ZBED4: variants seen among roughly 807,000 people sequenced by gnomAD.
The protein encoded by ZBED4 is zinc finger BED domain-containing protein 4.
A neutral mutation model predicts 15.5 loss-of-function variants in ZBED4; 4 were observed. That is an observed-to-expected ratio of 0.26 (90% CI 0.13 to 0.59). The LOEUF (loss-of-function observed/expected upper bound fraction) is 0.59. ZBED4 is among the 20% of genes least tolerant of loss of function. The pLI is 0.90. For synonymous variants in ZBED4, 692 were observed against 608.5 expected, an observed-to-expected ratio of 1.14 and a Z score of -2.02; for missense variants, 1,323 against 1,461.8, an observed-to-expected ratio of 0.91 and a Z score of 1.55.
At chr22:49,857,382 C>T (rs1047115760) in intron 1 of ZBED4, among the ~76,000 whole-genome samples, 2 of 152,230 alleles carry the variant, frequency 1.3e-5, no homozygotes, top group Non-Finnish European at 2.9e-5. Context: ...CAGAACAATC[C>T]ACATGACCCT....
At chr22:49,861,944 G>A (rs1476785928) in intron 1 of ZBED4, among the ~76,000 whole-genome samples, 2 of 152,162 alleles carry the variant, frequency 1.3e-5, no homozygotes, top group Non-Finnish European at 2.9e-5. Context: ...GTGCTTCCAA[G>A]TTCCCCCGCA....
chr22:49,871,752 TA>T (rs2060348719), intron 1 of ZBED4, among the ~76,000 whole-genome samples: 3 of 47,084 alleles, frequency 6.4e-5, no homozygotes, highest in Non-Finnish European at 1.2e-4. Flanking sequence ...TTTATTTATT[TA>T]TTTATTTTTT....
intron 1 of ZBED4, among the ~76,000 whole-genome samples, chr22:49,880,452 G>A (rs1398430985): frequency 6.6e-6 from 1 of 152,180 alleles, no homozygotes; most frequent in Non-Finnish European, 1.5e-5. Context: ...CCGACTCCCC[G>A]CCCCGCAGCC....
In ZBED4 at chr22:49,885,499, A is replaced by C; in HGVS notation, c.1837A>C (p.Lys613Gln). The change falls in exon 2 of 2, where the codon AAA becomes CAA. Residue 613 changes from lysine to glutamine, a missense_variant. Around this residue, in one of 6 missense-constraint regions of ZBED4, gnomAD observed 429 missense variants for 397.9 expected, o/e 1.08. Transcript: ENST00000216268. ...HLQRFHSNVL[K>Q]TEVSETARPS... ...ACAGCGGTTCCATAGCAACGTGCTG[A>C]AAACTGAGGTCTCGGAGACGGCTCG... The C allele has an allele frequency of 6.2e-7, 1 of 1,611,136 alleles. No homozygotes were observed. Among genetic ancestry groups the C allele is most frequent in the Non-Finnish European group, 8.5e-7 (1 of 1,177,440 alleles).
chr22:49,879,454 A>G (rs1475007121), intron 1 of ZBED4, among the ~76,000 whole-genome samples: 1 of 151,614 alleles, frequency 6.6e-6, no homozygotes, highest in East Asian at 2.0e-4. Flanking sequence ...TGCAGAGACG[A>G]TGTTTTGCCA....
At chr22:49,871,433 C>T (rs1490817394) in intron 1 of ZBED4, among the ~76,000 whole-genome samples, 1 of 151,740 alleles carries the variant, frequency 6.6e-6, no homozygotes, top group Non-Finnish European at 1.5e-5. Flanking sequence ...TACAGTGAGC[C>T]GATATTGCCA....
chr22:49,877,826 G>T (rs1032756378), intron 1 of ZBED4, among the ~76,000 whole-genome samples: 2 of 151,980 alleles, frequency 1.3e-5, no homozygotes, highest in Non-Finnish European at 2.9e-5. Context: ...CCCTCCTCCC[G>T]CCAGCACAGA....
At position 49,887,386 on chromosome 22, in the gene ZBED4, C is replaced by G; in HGVS notation, c.*208C>G. ...GCGGGGTGTTTTATTAAGACGTCCA[C>G]TAGAAATAGCTTGTCCTGTCAACTA... is the stretch of plus-strand genomic sequence containing the variant. On this transcript the variant is annotated 3_prime_UTR_variant, in exon 2 of 2. Transcript: ENST00000216268. The G allele has an allele frequency of 2.1e-6, 1 of 472,052 alleles. No homozygotes were observed. The highest frequency in any genetic ancestry group is 3.9e-6 in the Non-Finnish European group (1 of 258,052). The allele number at this position is 472,052 out of a possible 1,614,324, so 29.2% of individuals were successfully genotyped here.
chr22:49,855,346 C>G (rs1473387815), intron 1 of ZBED4, among the ~76,000 whole-genome samples: 3 of 152,088 alleles, frequency 2.0e-5, no homozygotes, highest in Non-Finnish European at 4.4e-5. Context: ...AGGGTCTCCC[C>G]CAACACACAC....
Position 49,886,294 on chromosome 22 carries a change from G to C in ZBED4, c.2632G>C (p.Ala878Pro). ...ACTGGCCGAGCTGCAGAGGGAGTAC[G>C]CGCTGCCTCAGCATCACCTCATCCA... ...EKLAELQREY[A>P]LPQHHLIQDV... Residue 878 changes from alanine (A) to proline (P), a missense_variant, in exon 2 of 2, where the codon GCG (alanine) becomes CCG (proline). This residue lies in a region of ZBED4 where 312 missense variants were observed against 410.7 expected (regional missense o/e 0.76). Transcript: ENST00000216268. The surrounding 1 kb of genome is among the most constrained non-coding windows in gnomAD (Gnocchi z 7.7). The C allele has an allele frequency of 1.3e-6, 2 of 1,499,716 alleles. No individual in the cohort carries two copies. 92.9% of individuals were successfully genotyped at this position (1,499,716 alleles called of 1,614,324 possible).
At chr22:49,879,875 C>T (rs1313828361) in intron 1 of ZBED4, among the ~76,000 whole-genome samples, 1 of 72,240 alleles carries the variant, frequency 1.4e-5, no homozygotes, top group African/African-American at 4.5e-5. Flanking sequence ...TGGTTTTTCT[C>T]CTGGTCAGTG....
intron 1 of ZBED4, among the ~76,000 whole-genome samples, chr22:49,859,974 C>T (rs936899515): frequency 7.0e-6 from 1 of 143,108 alleles, no homozygotes; most frequent in African/African-American, 2.7e-5. Context: ...CCAGTCTAGG[C>T]AGCATGGCAG....
At chr22:49,864,617 GA>G (rs1426712583) in intron 1 of ZBED4, among the ~76,000 whole-genome samples, 1 of 152,100 alleles carries the variant, frequency 6.6e-6, no homozygotes, top group Non-Finnish European at 1.5e-5. Context: ...GGGAGTTTGA[GA>G]CCAGCCTCAG....
At chr22:49,879,495 T>C (rs1371029654) in intron 1 of ZBED4, among the ~76,000 whole-genome samples, 5 of 151,716 alleles carry the variant, frequency 3.3e-5, no homozygotes, top group Non-Finnish European at 5.9e-5. Context: ...CTATATCCGC[T>C]CTTACAATAG....
At chr22:49,874,830 G>A (rs1033197232) in intron 1 of ZBED4, among the ~76,000 whole-genome samples, 3 of 151,654 alleles carry the variant, frequency 2.0e-5, no homozygotes, top group Non-Finnish European at 4.4e-5. Flanking sequence ...AAACAGGTGC[G>A]TGCCACCATG....
chr22:49,858,957 T>C (rs1323424412), intron 1 of ZBED4, among the ~76,000 whole-genome samples: 1 of 152,170 alleles, frequency 6.6e-6, no homozygotes, highest in Non-Finnish European at 1.5e-5. Context: ...TGTGCTGCAC[T>C]GTGGGCGGAG....
chr22:49,877,998 T>C (rs1363592283), intron 1 of ZBED4, among the ~76,000 whole-genome samples: 2 of 152,310 alleles, frequency 1.3e-5, no homozygotes, highest in South Asian at 2.1e-4. Flanking sequence ...CTGCTGTGAA[T>C]TTTATATGTA....
In ZBED4 at chr22:49,884,250, G is replaced by C; in HGVS notation, c.588G>C (p.Ala196=). 1 of 1,604,660 alleles carries C rather than the reference G, an allele frequency of 6.2e-7. No individual in the cohort carries two copies. The highest frequency in any genetic ancestry group is 1.7e-5 in the Admixed American group (1 of 58,924). ...SLLLPPQPAD[A]GDLSTILSPI... is the part of the protein sequence containing the mutation. The stretch of plus-strand genomic sequence containing the variant: ...TGCTTCCACCACAGCCTGCGGACGC[G>C]GGTGACCTCAGCACCATCCTCTCAC... Residue 196 remains alanine, a synonymous_variant, in exon 2 of 2, where the codon GCG becomes GCC. Transcript: ENST00000216268.
intron 1 of ZBED4, among the ~76,000 whole-genome samples, chr22:49,869,287 G>A (rs2060335473): frequency 6.6e-6 from 1 of 152,172 alleles, no homozygotes; most frequent in South Asian, 2.1e-4. Flanking sequence ...TGCTTCCGCT[G>A]GAAGGGCCTA....
Sources: allele counts gnomAD v4.1 joint callset (sites outside exome capture counted in the v4.1 genomes callset), GRCh38; gene constraint gnomAD v4.1.1; regional missense constraint gnomAD v4.1.1; non-coding constraint Gnocchi (gnomAD v3.1); transcripts MANE v1.5; gene names NCBI Gene and HGNC (gene_info 2026-07-23, HGNC 2026-07-21).